The following ZNF578 variants were observed in gnomAD, a reference collection of about 807,000 sequenced individuals.
The protein encoded by ZNF578 is zinc finger protein 578.
Under a neutral mutation model 8.3 loss-of-function variants are expected in ZNF578, and 8 were observed. That is an observed-to-expected ratio of 0.96 (90% CI 0.56 to 1.74). The LOEUF (loss-of-function observed/expected upper bound fraction) is 1.74. Ranked by LOEUF, ZNF578 falls within the 40% of genes most tolerant of loss-of-function variation. The pLI, the probability that ZNF578 is intolerant of heterozygous loss-of-function variation, is 0.00. For synonymous variants in ZNF578, 206 were observed against 232.2 expected (o/e 0.89, Z 1.03); for missense variants, 726 against 707.5 (o/e 1.03, Z -0.30).
intron 2 of ZNF578, among the ~76,000 whole-genome samples, chr19:52,489,683 T>C (rs77795941): frequency 5.3e-5 from 8 of 151,954 alleles, no homozygotes; most frequent in Non-Finnish European, 7.4e-5. Context: ...TTTTTTTTTT[T>C]CTCACTGTGT....
At chr19:52,470,416 G>C (rs1388429180) in intron 2 of ZNF578, among the ~76,000 whole-genome samples, 1 of 152,236 alleles carries the variant, frequency 6.6e-6, no homozygotes, top group Non-Finnish European at 1.5e-5. Context: ...GATTTAAGGA[G>C]ATGTGTATGG....
rs1307784415 is a variant in ZNF578 at position 52,515,657 on chromosome 19, G to T, written c.*3503G>T. Among the ~76,000 whole-genome samples, 3 of 151,816 alleles carry T rather than the reference G, an allele frequency of 2.0e-5. No homozygotes were observed. Among genetic ancestry groups the T allele is most frequent in the Non-Finnish European group, 4.4e-5 (3 of 67,966 alleles). Reference sequence around the variant, plus strand: ...CCTGCAACTTGGCGACGAGGGGCTTGACCAGAAAAGGTCAACCCGAGTGTC... The same window carrying T: ...CCTGCAACTTGGCGACGAGGGGCTTTACCAGAAAAGGTCAACCCGAGTGTC... On this transcript the variant is annotated 3_prime_UTR_variant, in exon 6 of 6. Transcript: ENST00000421239.
intron 2 of ZNF578, among the ~76,000 whole-genome samples, chr19:52,466,786 A>G (rs1454387136): frequency 6.6e-6 from 1 of 152,198 alleles, no homozygotes; most frequent in East Asian, 1.9e-4. Flanking sequence ...AATAAGTTTT[A>G]TATTTAACAC....
intron 3 of ZNF578, among the ~76,000 whole-genome samples, chr19:52,499,342 A>T (rs2059398335): frequency 6.6e-6 from 1 of 152,054 alleles, no homozygotes; most frequent in African/African-American, 2.4e-5. Context: ...TTATCATCTC[A>T]CAGCTTTCAC....
chr19:52,492,087 G>A (rs759500524), intron 3 of ZNF578, among the ~76,000 whole-genome samples: 4 of 142,474 alleles, frequency 2.8e-5, no homozygotes, highest in Non-Finnish European at 6.0e-5. Flanking sequence ...GAACCCGGAA[G>A]TTGGAGCTTG....
At chr19:52,459,755 A>G (rs866673292) in intron 2 of ZNF578, among the ~76,000 whole-genome samples, 25 of 10,574 alleles carry the variant, frequency 2.4e-3, no homozygotes, top group African/African-American at 5.4e-3. Flanking sequence ...GTGTGTGTAT[A>G]TATATATATA....
At chr19:52,501,457 C>T (rs1000745687) in intron 3 of ZNF578, among the ~76,000 whole-genome samples, 1 of 152,206 alleles carries the variant, frequency 6.6e-6, no homozygotes, top group African/African-American at 2.4e-5. Flanking sequence ...AGCATGGAAG[C>T]TCTGAGTCCT....
chr19:52,460,795 C>CTTT (rs1226054371), intron 2 of ZNF578, among the ~76,000 whole-genome samples: 1 of 152,026 alleles, frequency 6.6e-6, no homozygotes, highest in South Asian at 2.1e-4. Flanking sequence ...GTTCCTAATG[C>CTTT]TTTTTTTGCA....
Position 52,493,513 on chromosome 19 carries a change from G to T in ZNF578, c.-20+2088G>T, listed in dbSNP as rs762810369. On this transcript the variant is annotated intron_variant, in intron 3 of 5. Coordinates refer to ENST00000421239, the MANE Select transcript of ZNF578 (RefSeq NM_001099694.2). ...ACCCGCAGAGTTTTGCTGGTGGCAA[G>T]GAGAACCGAGGGAGAAACACAGCAG... Among the ~76,000 whole-genome samples, 63 of 152,306 alleles carry T rather than the reference G, an allele frequency of 4.1e-4. No homozygotes were observed. In the Middle Eastern group the frequency reaches 0.014, roughly 33 times the overall value.
chr19:52,494,496 T>C (rs2059378811), intron 3 of ZNF578, among the ~76,000 whole-genome samples: 1 of 152,062 alleles, frequency 6.6e-6, no homozygotes, highest in African/African-American at 2.4e-5. Flanking sequence ...GACCCTGTCT[T>C]AAAAGAAAAA....
intron 2 of ZNF578, among the ~76,000 whole-genome samples, chr19:52,487,296 T>A (rs1183233401): frequency 6.6e-6 from 1 of 152,194 alleles, no homozygotes; most frequent in African/African-American, 2.4e-5. Context: ...GCCACTATAC[T>A]GCAGCCTGGT....
chr19:52,485,664 C>T (rs1174591509), intron 2 of ZNF578, among the ~76,000 whole-genome samples: 2 of 152,180 alleles, frequency 1.3e-5, no homozygotes, highest in Non-Finnish European at 2.9e-5. Flanking sequence ...AATCTGTAAC[C>T]ATACCCCCAA....
At chr19:52,469,524 C>G (rs773971741) in intron 2 of ZNF578, among the ~76,000 whole-genome samples, 15 of 152,034 alleles carry the variant, frequency 9.9e-5, no homozygotes, top group Non-Finnish European at 2.2e-4. Context: ...AGTTGGCTCT[C>G]TAATCTTATT....
intron 2 of ZNF578, among the ~76,000 whole-genome samples, chr19:52,480,028 G>A (rs557223396): frequency 1.3e-5 from 2 of 152,224 alleles, no homozygotes; most frequent in East Asian, 3.9e-4. Flanking sequence ...TCCTGCCTCA[G>A]CCTCCCGAGT....
At chr19:52,478,259 CATT>C (rs1189601504) in intron 2 of ZNF578, among the ~76,000 whole-genome samples, 1 of 152,170 alleles carries the variant, frequency 6.6e-6, no homozygotes, top group Non-Finnish European at 1.5e-5. Flanking sequence ...CTCTGTATTC[CATT>C]ATTAAGTACA....
Position 52,456,952 on chromosome 19 carries a change from C to G in ZNF578, c.-128C>G, listed in dbSNP as rs192059212. ...AGGAAAGAAAAGGAGTCAGGAATGCCTCTTAGGTACAGTGATATTCTCAGT... is the reference window on the plus strand; with the variant it reads ...AGGAAAGAAAAGGAGTCAGGAATGCGTCTTAGGTACAGTGATATTCTCAGT... On this transcript the variant is annotated 5_prime_UTR_variant, in exon 2 of 6. Transcript: ENST00000421239. The G allele has an allele frequency of 6.5e-6, 1 of 153,346 alleles. No homozygotes were observed. The highest frequency in any genetic ancestry group is 1.5e-5 in the Non-Finnish European group (1 of 68,470). The allele number at this position is 153,346 out of a possible 1,614,324, so 9.5% of individuals were successfully genotyped here. A position where few individuals can be genotyped will look rare whatever the true frequency, so the allele number is the denominator to read the frequency against.
intron 2 of ZNF578, among the ~76,000 whole-genome samples, chr19:52,469,906 T>C (rs1330125936): frequency 2.0e-5 from 3 of 152,154 alleles, no homozygotes; most frequent in African/African-American, 4.8e-5. Context: ...CAAGCTCTTA[T>C]GTGAGTGGAT....
intron 2 of ZNF578, among the ~76,000 whole-genome samples, chr19:52,465,452 A>C (rs1314009105): frequency 2.6e-5 from 4 of 152,182 alleles, no homozygotes; most frequent in African/African-American, 7.2e-5. Context: ...AGTTCTGATT[A>C]TCAAACTCCT....
In ZNF578 at chr19:52,501,380, C is replaced by T. The variant is rs554201884; in HGVS notation, c.-19-447C>T. ...GCTTTAGCAGGGATTCTTATTCTGA[C>T]GGGATGGAACCCACCCTCAGTAATA... is the stretch of plus-strand genomic sequence containing the variant. On this transcript the variant is annotated intron_variant, in intron 3 of 5. Transcript: ENST00000421239. Among the ~76,000 whole-genome samples, 16 of 152,300 alleles carry T rather than the reference C, an allele frequency of 1.1e-4. No homozygotes were observed. The East Asian group carries it at 1.6e-3, about 15-fold the overall frequency.
Sources: allele counts gnomAD v4.1 joint callset (sites outside exome capture counted in the v4.1 genomes callset), GRCh38; gene constraint gnomAD v4.1.1; transcripts MANE v1.5; gene names NCBI Gene and HGNC (gene_info 2026-07-23, HGNC 2026-07-21).